OR13G1: variants seen among roughly 807,000 people sequenced by gnomAD.
The protein encoded by OR13G1 is olfactory receptor family 13 subfamily G member 1, also known as olfactory receptor 13G1.
For synonymous variants in OR13G1, 128 were observed against 136.2 expected (o/e 0.94, Z 0.42); for missense variants, 369 against 385.7 (o/e 0.96, Z 0.36).
At position 247,672,635 on chromosome 1, in the gene OR13G1, T is replaced by G; in HGVS notation, c.407A>C (p.His136Pro). The G allele has an allele frequency of 6.2e-7, 1 of 1,614,054 alleles. No individual in the cohort carries two copies. The highest frequency in any genetic ancestry group is 8.5e-7 in the Non-Finnish European group (1 of 1,179,968). The change falls in exon 2 of 2, where the codon CAT (histidine) becomes CCT (proline). Residue 136 changes from histidine to proline, a missense_variant. By Grantham distance (77) the His-to-Pro change is moderately conservative. Coordinates refer to ENST00000642119, the MANE Select transcript of OR13G1 (RefSeq NM_001005487.2). ...PLHYSTIMNH[H>P]MCVALLSMVM... is the part of the protein sequence containing the mutation. ...CATGCTGAGCAAGGCTACACACATA[T>G]GGTGGTTCATAATAGTACTGTAATG...
rs1345427588 is a variant in OR13G1, at chr1:247,672,272, A to T, written c.770T>A (p.Ile257Asn). The change falls in exon 2 of 2, where the codon ATC becomes AAC. Residue 257 changes from isoleucine to asparagine, a missense_variant. By Grantham distance (149) the Ile-to-Asn change is moderately radical. Transcript: ENST00000642119. ...LYYSPVIYTY[I>N]RPASSYTFER... Reference sequence around the variant, plus strand: ...AAATGTATAGCTGGAAGCAGGGCGGATATAGGTGTAGATTACAGGAGAATA... The same window carrying T: ...AAATGTATAGCTGGAAGCAGGGCGGTTATAGGTGTAGATTACAGGAGAATA... 2.5e-6 allele frequency: 4 copies of T among 1,614,122 alleles called. No individual in the cohort carries two copies. The highest frequency in any genetic ancestry group is 2.5e-6 in the Non-Finnish European group (3 of 1,179,996).
chr1:247,674,294 G>A (rs185141508), intron 1 of OR13G1, among the ~76,000 whole-genome samples: 5 of 152,286 alleles, frequency 3.3e-5, no homozygotes, highest in African/African-American at 1.2e-4. Context: ...ATTCAAAATA[G>A]TTGTGAATTT....
chr1:247,676,301 T>G (rs1659344571), intron 1 of OR13G1, among the ~76,000 whole-genome samples: 1 of 152,068 alleles, frequency 6.6e-6, no homozygotes, highest in Admixed American at 6.5e-5. Context: ...TTTTGAAAAA[T>G]CATGTTTTAG....
At chr1:247,676,792 A>G (rs185136096) in intron 1 of OR13G1, among the ~76,000 whole-genome samples, 2 of 152,304 alleles carry the variant, frequency 1.3e-5, no homozygotes, top group African/African-American at 4.8e-5. Flanking sequence ...ATATTCCTTT[A>G]TATTTACCAT....
intron 1 of OR13G1, among the ~76,000 whole-genome samples, chr1:247,678,541 C>G (rs1659396648): frequency 1.3e-5 from 2 of 152,138 alleles, no homozygotes; most frequent in African/African-American, 4.8e-5. Context: ...AGGCCACTTT[C>G]TATTAGGTAG....
At chr1:247,676,843 G>C (rs1340108776) in intron 1 of OR13G1, among the ~76,000 whole-genome samples, 1 of 151,944 alleles carries the variant, frequency 6.6e-6, no homozygotes, top group Non-Finnish European at 1.5e-5. Context: ...TCCCTTATAT[G>C]GGACAATTTT....
chr1:247,673,354 T>G, intron 1 of OR13G1, 75 bp from the exon 2 acceptor site: 1 of 307,484 alleles, frequency 3.3e-6, no homozygotes, highest in East Asian at 7.4e-5. Flanking sequence ...CACTTAAAAC[T>G]TGTCTAAATA....
In OR13G1 at chr1:247,672,998, G is replaced by A. The variant is rs753632385; in HGVS notation, c.44C>T (p.Thr15Ile). Residue 15 changes from threonine (T) to isoleucine (I), a missense_variant, in exon 2 of 2, where the codon ACC becomes ATC. Thr to Ile is a moderately conservative substitution (Grantham distance 89). Coordinates refer to ENST00000642119, the MANE Select transcript of OR13G1 (RefSeq NM_001005487.2). ...AATTCCCTGGAGTTCAGGCTTTTTG[G>A]TGAGGCCCAGAATAATGAACTCAGT... Reference protein sequence around the residue: ...VVTEFIILGLTKKPELQGIIF... With the variant: ...VVTEFIILGLIKKPELQGIIF... 3.1e-6 allele frequency: 5 copies of A among 1,613,686 alleles called. No individual in the cohort carries two copies. The highest frequency in any genetic ancestry group is 1.1e-5 in the South Asian group (1 of 91,034).
At chr1:247,675,059 T>A (rs1238827841) in intron 1 of OR13G1, among the ~76,000 whole-genome samples, 3 of 152,150 alleles carry the variant, frequency 2.0e-5, no homozygotes, top group African/African-American at 4.8e-5. Flanking sequence ...AAATACTATG[T>A]GTTGAATATG....
intron 1 of OR13G1, among the ~76,000 whole-genome samples, chr1:247,678,103 CA>C (rs1290863063): frequency 1.3e-5 from 2 of 151,616 alleles, no homozygotes; most frequent in Non-Finnish European, 2.9e-5. Flanking sequence ...AACTCTGTCT[CA>C]AAAAAAATTA....
intron 1 of OR13G1, among the ~76,000 whole-genome samples, chr1:247,675,993 A>C (rs1659339599): frequency 2.0e-5 from 3 of 152,210 alleles, no homozygotes; most frequent in Admixed American, 1.3e-4. Context: ...AATTATGTTT[A>C]ATCTAGCTTA....
chr1:247,672,998 G>C lies in OR13G1; in HGVS notation c.44C>G (p.Thr15Ser). 2 of 1,613,686 alleles carry C rather than the reference G, an allele frequency of 1.2e-6. No homozygotes were observed. The highest frequency in any genetic ancestry group is 1.7e-6 in the Non-Finnish European group (2 of 1,179,802). The change falls in exon 2 of 2, where the codon ACC (threonine) becomes AGC (serine). Residue 15 changes from threonine (T) to serine (S), a missense_variant. By Grantham distance (58) the Thr-to-Ser change is moderately conservative. Coordinates refer to ENST00000642119, the MANE Select transcript of OR13G1 (RefSeq NM_001005487.2). ...AATTCCCTGGAGTTCAGGCTTTTTG[G>C]TGAGGCCCAGAATAATGAACTCAGT... ...VVTEFIILGL[T>S]KKPELQGIIF...
Position 247,672,144 on chromosome 1 carries a change from T to C in OR13G1, c.898A>G (p.Lys300Glu), listed in dbSNP as rs1659218931. 1 of 1,613,768 alleles carries C rather than the reference T, an allele frequency of 6.2e-7. No homozygotes were observed. The highest frequency in any genetic ancestry group is 1.3e-5 in the African/African-American group (1 of 75,034). The change falls in exon 2 of 2, where the codon AAG (lysine) becomes GAG (glutamate). Residue 300 changes from lysine to glutamate, a missense_variant. Coordinates refer to ENST00000642119, the MANE Select transcript of OR13G1 (RefSeq NM_001005487.2). Reference sequence around the variant, plus strand: ...TAGTGTTTCAGAAATGCAAACACCTTCCTAATTCCTGCCTGCATCTCCCTA... The same window carrying C: ...TAGTGTTTCAGAAATGCAAACACCTCCCTAATTCCTGCCTGCATCTCCCTA... ...QNREMQAGIR[K>E]VFAFLKH
chr1:247,672,245 T>C lies in OR13G1; in HGVS notation c.797A>G (p.Glu266Gly). 1 of 1,614,082 alleles carries C rather than the reference T, an allele frequency of 6.2e-7. No individual in the cohort carries two copies. The highest frequency in any genetic ancestry group is 8.5e-7 in the Non-Finnish European group (1 of 1,179,982). The change falls in exon 2 of 2, where the codon GAA becomes GGA. Residue 266 changes from glutamate to glycine, a missense_variant. Physicochemically the swap from Glu to Gly is moderately conservative, Grantham distance 98. Transcript: ENST00000642119. The part of the protein sequence containing the change: ...YIRPASSYTF[E>G]RDKVVAALYT... The stretch of plus-strand genomic sequence containing the variant: ...GAGTGCAGCTACCACCTTGTCTCTT[T>C]CAAATGTATAGCTGGAAGCAGGGCG...
chr1:247,673,344 C>A, intron 1 of OR13G1, 65 bp from the exon 2 acceptor site: 1 of 335,234 alleles, frequency 3.0e-6, no homozygotes, highest in Non-Finnish European at 5.4e-6. Flanking sequence ...ATATCATTTT[C>A]ACTTAAAACT....
intron 1 of OR13G1, among the ~76,000 whole-genome samples, 140 bp downstream of exon 1, chr1:247,679,486 TTGTGTGTGTGTGTG>T (rs56753299): frequency 1.1e-4 from 16 of 144,632 alleles, no homozygotes; most frequent in African/African-American, 3.1e-4. Flanking sequence ...CGCGGATGGA[TTGTGTGTGTGTGTG>T]TGTGTGTGTG....
Position 247,672,066 on chromosome 1 carries a change from T to A in OR13G1, c.*52A>T, listed in dbSNP as rs1659216501. 7.0e-7 allele frequency: 1 copy of A among 1,423,108 alleles called. No individual in the cohort carries two copies. The highest frequency in any genetic ancestry group is 9.6e-7 in the Non-Finnish European group (1 of 1,043,084). The allele number at this position is 1,423,108 out of a possible 1,614,324, so 88.2% of individuals were successfully genotyped here. On this transcript the variant is annotated 3_prime_UTR_variant, in exon 2 of 2. Coordinates refer to ENST00000642119, the MANE Select transcript of OR13G1 (RefSeq NM_001005487.2). ...TATGAAAAACCAGTAAAATCTGAGA[T>A]GCTCTAGAAGATGGTTCTGGAGTAC...
Position 247,672,101 on chromosome 1 carries a change from G to T in OR13G1, c.*17C>A. On this transcript the variant is annotated 3_prime_UTR_variant, in exon 2 of 2. Coordinates refer to ENST00000642119, the MANE Select transcript of OR13G1 (RefSeq NM_001005487.2). ...GATGGTTCTGGAGTACAGAAGTGAT[G>T]TTGCATGTTGAAACTACTAGTGTTT... 1 of 1,592,090 alleles carries T rather than the reference G, an allele frequency of 6.3e-7. No individual in the cohort carries two copies. The highest frequency in any genetic ancestry group is 1.1e-5 in the South Asian group (1 of 88,878).
chr1:247,676,483 G>A (rs1470344391), intron 1 of OR13G1, among the ~76,000 whole-genome samples: 7 of 133,184 alleles, frequency 5.3e-5, no homozygotes, highest in Non-Finnish European at 3.4e-5. Context: ...TTATAATAAA[G>A]GTGACTTTAT....
Sources: gnomAD v4.1 joint callset for allele counts (sites outside exome capture counted in the v4.1 genomes callset) on GRCh38, gnomAD v4.1.1 for gene constraint, MANE v1.5 for transcripts, NCBI Gene and HGNC (gene_info 2026-07-23, HGNC 2026-07-21) for gene names.